CORO2B: variants seen among roughly 807,000 people sequenced by gnomAD.
CORO2B encodes coronin-2B.
In CORO2B, 26 loss-of-function variants were observed where a neutral mutation model predicts 58.8. That is an observed-to-expected ratio of 0.44 (90% CI 0.32 to 0.61). The LOEUF (loss-of-function observed/expected upper bound fraction) is 0.61, where lower values mean the gene tolerates loss of function less well. Among genes scored for constraint, CORO2B ranks in the 20% least tolerant of loss-of-function variants. CORO2B has a pLI of 0.04. For synonymous variants in CORO2B, 242 were observed against 253.8 expected, an observed-to-expected ratio of 0.95 and a Z score of 0.44; for missense variants, 460 against 645.1, an observed-to-expected ratio of 0.71 and a Z score of 3.11.
intron 2 of CORO2B, among the ~76,000 whole-genome samples, chr15:68,653,794 A>G (rs553420069): frequency 1.3e-5 from 2 of 151,558 alleles, no homozygotes; most frequent in East Asian, 3.9e-4. Flanking sequence ...CCCATTCCAG[A>G]TTTCTGTAAC....
intron 1 of CORO2B, among the ~76,000 whole-genome samples, chr15:68,623,430 C>T (rs1478722389): frequency 6.6e-6 from 1 of 152,152 alleles, no homozygotes; most frequent in Non-Finnish European, 1.5e-5. Flanking sequence ...GGAAGCCTGA[C>T]GTGAGTGACA....
the CORO2B span, among the ~76,000 whole-genome samples, chr15:68,524,753 G>A: frequency 6.6e-6 from 1 of 152,110 alleles, no homozygotes; most frequent in Non-Finnish European, 1.5e-5. Flanking sequence ...TTTTCTGTTG[G>A]AGGCTCCCTG....
At chr15:68,713,900 C>G (rs1471680493) in intron 5 of CORO2B, 25 bp from the exon 6 acceptor site, 1 of 1,568,192 alleles carries the variant, frequency 6.4e-7, no homozygotes, top group Non-Finnish European at 8.8e-7. Context: ...GACCCTGGCT[C>G]ACCACCTCCC....
At chr15:68,546,534 C>G in the CORO2B span, among the ~76,000 whole-genome samples, 2 of 152,104 alleles carry the variant, frequency 1.3e-5, no homozygotes, top group Admixed American at 6.5e-5. Flanking sequence ...AATTCTAGAC[C>G]CTGAGGTGTC....
At chr15:68,652,981 C>T (rs761007736) in intron 2 of CORO2B, among the ~76,000 whole-genome samples, 1 of 152,184 alleles carries the variant, frequency 6.6e-6, no homozygotes, top group Non-Finnish European at 1.5e-5. Context: ...CACTTTATTA[C>T]ACCTCTCTGA....
At chr15:68,574,149 G>T (rs1165968029), upstream of CORO2B, among the ~76,000 whole-genome samples, 1 of 152,206 alleles carries the variant, frequency 6.6e-6, no homozygotes, top group Non-Finnish European at 1.5e-5. Context: ...AAGAGAGCAG[G>T]CAAGAGGGCA....
chr15:68,681,723 G>A lies in CORO2B; in HGVS notation c.217-13417G>A, dbSNP rs189132317. Among the ~76,000 whole-genome samples the A allele has an allele frequency of 2.0e-4, 31 of 151,776 alleles. 1 individual carries two copies. The East Asian group carries it at 5.8e-3, about 28-fold the overall frequency. ...TCAGATCTGATAAGACAGAGAAAGG[G>A]GAGCTGACTAAGTCAGGATTCCTGC... On this transcript the variant is annotated intron_variant, in intron 2 of 11. Transcript: ENST00000261861.
intron 2 of CORO2B, among the ~76,000 whole-genome samples, chr15:68,690,641 G>GCCTT (rs1567010112): frequency 3.2e-5 from 4 of 125,164 alleles, no homozygotes; most frequent in Non-Finnish European, 1.7e-5. Flanking sequence ...GATCACGTTA[G>GCCTT]CTTTCTTTTT....
At chr15:68,613,101 A>G (rs536693695) in intron 1 of CORO2B, among the ~76,000 whole-genome samples, 162 of 152,346 alleles carry the variant, frequency 1.1e-3, no homozygotes, top group African/African-American at 3.7e-3. Context: ...GGAGAGGTCC[A>G]GAAGAGGCAT....
chr15:68,667,960 A>C (rs376141666), intron 2 of CORO2B, among the ~76,000 whole-genome samples: 9 of 152,322 alleles, frequency 5.9e-5, no homozygotes, highest in African/African-American at 2.2e-4. Flanking sequence ...GAGATAATAA[A>C]TCCCACCTGG....
chr15:68,543,046 G>A, the CORO2B span, among the ~76,000 whole-genome samples: 1 of 152,202 alleles, frequency 6.6e-6, no homozygotes, highest in Non-Finnish European at 1.5e-5. Flanking sequence ...CCTAACTACT[G>A]AGGCAATGTG....
At chr15:68,674,823 C>T (rs909152774) in intron 2 of CORO2B, among the ~76,000 whole-genome samples, 2 of 152,210 alleles carry the variant, frequency 1.3e-5, no homozygotes, top group Admixed American at 1.3e-4. Context: ...TTCCCTCAGA[C>T]CTGCCTTCAG....
intron 2 of CORO2B, among the ~76,000 whole-genome samples, chr15:68,659,552 A>G (rs896457485): frequency 3.3e-5 from 5 of 152,188 alleles, no homozygotes; most frequent in African/African-American, 1.2e-4. Flanking sequence ...CTCTCTAAAA[A>G]AATTTTTTTG....
intron 2 of CORO2B, among the ~76,000 whole-genome samples, chr15:68,654,306 TGG>T (rs1901735003): frequency 6.6e-6 from 1 of 152,234 alleles, no homozygotes; most frequent in African/African-American, 2.4e-5. Flanking sequence ...GCCTGGCTAG[TGG>T]GCATCATGGG....
At chr15:68,576,050 G>A (rs1048716234), upstream of CORO2B, among the ~76,000 whole-genome samples, 2 of 149,542 alleles carry the variant, frequency 1.3e-5, no homozygotes, top group African/African-American at 2.5e-5. Context: ...CTACTCAGGA[G>A]GTGGAGGTGG....
chr15:68,668,614 C>T (rs1033097974), intron 2 of CORO2B, among the ~76,000 whole-genome samples: 1 of 152,088 alleles, frequency 6.6e-6, no homozygotes, highest in South Asian at 2.1e-4. Flanking sequence ...GCGGGGAGCC[C>T]CAGGGTGGGA....
chr15:68,585,384 C>G (rs1053241650), intron 1 of CORO2B, among the ~76,000 whole-genome samples: 4 of 152,196 alleles, frequency 2.6e-5, no homozygotes, highest in Admixed American at 6.5e-5. Context: ...ATGATAATAA[C>G]AGTTATTAAG....
At chr15:68,524,224 AAAAAG>A in the CORO2B span, among the ~76,000 whole-genome samples, 1 of 152,196 alleles carries the variant, frequency 6.6e-6, no homozygotes, top group East Asian at 1.9e-4. Context: ...TGTCTCAAAA[AAAAAG>A]AAAAGAAAAA....
chr15:68,696,418 G>A (rs965499153), intron 3 of CORO2B, among the ~76,000 whole-genome samples: 2 of 151,560 alleles, frequency 1.3e-5, no homozygotes, highest in South Asian at 2.1e-4. Flanking sequence ...GCGTGGTGGC[G>A]CACCCCTGTA....
Sources: gnomAD v4.1 joint callset for allele counts (sites outside exome capture counted in the v4.1 genomes callset) on GRCh38, gnomAD v4.1.1 for gene constraint, MANE v1.5 for transcripts, NCBI Gene and HGNC (gene_info 2026-07-23, HGNC 2026-07-21) for gene names.